Variants in SV2C observed in about 807,000 individuals in gnomAD.
SV2C encodes synaptic vesicle glycoprotein 2C.
Under a neutral mutation model 79.7 loss-of-function variants are expected in SV2C, and 49 were observed. The ratio of observed to expected loss-of-function variants is 0.61; its 90% CI spans 0.49 to 0.78. SV2C has a LOEUF of 0.78. Ranked by LOEUF, SV2C falls within the 30% of genes least tolerant of loss-of-function variation. The pLI, the probability that SV2C is intolerant of heterozygous loss-of-function variation, is 0.00. For synonymous variants in SV2C, 334 were observed against 333.2 expected, an observed-to-expected ratio of 1.00 and a Z score of -0.03; for missense variants, 833 against 912.9, an observed-to-expected ratio of 0.91 and a Z score of 1.13.
chr5:76,313,074 T>C (rs1748508569), intron 12 of SV2C, among the ~76,000 whole-genome samples: 1 of 152,166 alleles, frequency 6.6e-6, no homozygotes, highest in Non-Finnish European at 1.5e-5. Context: ...TGGGCCTGGA[T>C]TGTTTGAGAT....
At chr5:76,336,235 G>C (rs1179486753), downstream of SV2C, among the ~76,000 whole-genome samples, 1 of 150,220 alleles carries the variant, frequency 6.7e-6, no homozygotes, top group Non-Finnish European at 1.5e-5. Context: ...GGGCGGAGGG[G>C]CTCCTCACTT....
intron 4 of SV2C, among the ~76,000 whole-genome samples, chr5:76,283,517 AG>A: frequency 6.6e-6 from 1 of 152,326 alleles, no homozygotes; most frequent in South Asian, 2.1e-4. Context: ...TTTAAAAAGA[AG>A]TTCTTTATAT....
the SV2C span, among the ~76,000 whole-genome samples, chr5:75,934,674 C>A: frequency 6.6e-6 from 1 of 152,030 alleles, no homozygotes; most frequent in Non-Finnish European, 1.5e-5. Context: ...AGTGATTAGG[C>A]CTTAAAGAAA....
chr5:76,235,993 A>G (rs58106693), intron 4 of SV2C, among the ~76,000 whole-genome samples: 17,882 of 152,190 alleles, frequency 0.12, 3,059 homozygotes, highest in African/African-American at 0.38. Flanking sequence ...TGCAGAGCTC[A>G]GTGGAGGTTC....
At chr5:75,988,171 T>C in the SV2C span, among the ~76,000 whole-genome samples, 1 of 151,966 alleles carries the variant, frequency 6.6e-6, no homozygotes, top group Non-Finnish European at 1.5e-5. Context: ...GTATATGTCA[T>C]ATTGTCATTT....
the SV2C span, among the ~76,000 whole-genome samples, chr5:75,868,065 G>A: frequency 6.6e-6 from 1 of 152,142 alleles, no homozygotes; most frequent in Non-Finnish European, 1.5e-5. Context: ...ATTTATGAAG[G>A]GCCAGGACAT....
At chr5:76,280,984 A>G (rs915794784) in intron 4 of SV2C, 3 of 538,718 alleles carry the variant, frequency 5.6e-6, no homozygotes, top group Non-Finnish European at 1.1e-5. Context: ...GCCCAACAGG[A>G]AGCAAAGCAC....
At chr5:75,901,307 A>C in the SV2C span, among the ~76,000 whole-genome samples, 10 of 152,360 alleles carry the variant, frequency 6.6e-5, no homozygotes, top group African/African-American at 2.2e-4. Context: ...TCTAACAGAC[A>C]GGACCCTGAG....
At chr5:75,911,436 A>G in the SV2C span, 3 of 995,444 alleles carry the variant, frequency 3.0e-6, no homozygotes, top group South Asian at 3.1e-5. Flanking sequence ...CTCCACCCAG[A>G]GCCACTCCAA....
At chr5:75,991,169 G>A in the SV2C span, among the ~76,000 whole-genome samples, 1 of 151,902 alleles carries the variant, frequency 6.6e-6, no homozygotes, top group Non-Finnish European at 1.5e-5. Context: ...TGTTTAAAAT[G>A]TTCTATCCTT....
At chr5:76,171,650 G>A (rs1327602699) in intron 2 of SV2C, among the ~76,000 whole-genome samples, 1 of 145,228 alleles carries the variant, frequency 6.9e-6, no homozygotes, top group African/African-American at 2.5e-5. Context: ...CGCCCCATCC[G>A]GGAGGGAGGT....
the SV2C span, among the ~76,000 whole-genome samples, chr5:75,999,621 G>T: frequency 6.7e-6 from 1 of 149,274 alleles, no homozygotes; most frequent in Non-Finnish European, 1.5e-5. Flanking sequence ...TAATAAAATC[G>T]GTGGGTGGGG....
intron 12 of SV2C, among the ~76,000 whole-genome samples, chr5:76,341,925 A>T (rs912223448): frequency 7.9e-5 from 12 of 152,130 alleles, no homozygotes; most frequent in African/African-American, 2.9e-4. Flanking sequence ...AGGACCGAAT[A>T]ATTCCTAGCT....
the SV2C span, among the ~76,000 whole-genome samples, chr5:76,038,789 A>T: frequency 1.3e-5 from 2 of 152,248 alleles, no homozygotes; most frequent in African/African-American, 2.4e-5. Context: ...AGCTTTCTGC[A>T]AGACAACTGA....
At chr5:76,059,121 A>G in the SV2C span, among the ~76,000 whole-genome samples, 1 of 152,132 alleles carries the variant, frequency 6.6e-6, no homozygotes, top group African/African-American at 2.4e-5. Context: ...AGATGCTAAC[A>G]ATCATCTGAG....
At chr5:76,118,243 C>G (rs1748344110) in intron 1 of SV2C, among the ~76,000 whole-genome samples, 2 of 152,224 alleles carry the variant, frequency 1.3e-5, no homozygotes, top group African/African-American at 4.8e-5. Flanking sequence ...CTGCCTCCAT[C>G]TTCACATGGT....
chr5:75,916,027 G>C, the SV2C span, among the ~76,000 whole-genome samples: 3,250 of 152,246 alleles, frequency 0.021, 51 homozygotes, highest in South Asian at 0.04. Flanking sequence ...GTCAGGCTAA[G>C]GAATGGAAAT....
the SV2C span, among the ~76,000 whole-genome samples, chr5:75,970,230 T>C: frequency 2.0e-5 from 3 of 151,866 alleles, no homozygotes; most frequent in Non-Finnish European, 4.4e-5. Context: ...AGGAAAGATC[T>C]AAAATTGACA....
intron 4 of SV2C, among the ~76,000 whole-genome samples, chr5:76,266,127 AC>A: frequency 6.6e-6 from 1 of 151,180 alleles, no homozygotes; most frequent in South Asian, 2.1e-4. Flanking sequence ...AGCCAAAGAG[AC>A]AAATATGGCC....
Sources: allele counts gnomAD v4.1 joint callset (sites outside exome capture counted in the v4.1 genomes callset), GRCh38; gene constraint gnomAD v4.1.1; transcripts MANE v1.5; gene names NCBI Gene and HGNC (gene_info 2026-07-23, HGNC 2026-07-21).